CRADD: variants seen among roughly 807,000 people sequenced by gnomAD.
The protein encoded by CRADD is CARD and death domain containing adaptor protein.
In CRADD, 9 loss-of-function variants were observed where a neutral mutation model predicts 15.5. The ratio of observed to expected loss-of-function variants is 0.58; its 90% CI spans 0.35 to 1.01. The LOEUF is 1.01. Ranked by LOEUF, CRADD falls within the 50% of genes least tolerant of loss-of-function variation. CRADD has a pLI of 0.02. For synonymous variants in CRADD, 118 were observed against 107.6 expected (o/e 1.10, Z -0.60); for missense variants, 227 against 250.3 (o/e 0.91, Z 0.63).
rs1565948857 is a variant in CRADD at position 93,886,132 on chromosome 12, C to CT, written c.299-7917dup. On this transcript the variant is annotated intron_variant, in intron 2 of 2. Transcript: ENST00000548483. Reference sequence around the variant, plus strand: ...ATCTATAAGATATACAACTGCCAAGCTAAGATGGACATGCCTCTAGCTGCT... The same window carrying CT: ...ATCTATAAGATATACAACTGCCAAGCTTAAGATGGACATGCCTCTAGCTGCT... Among the ~76,000 whole-genome samples the CT allele has an allele frequency of 8.8e-5, 13 of 147,828 alleles. No individual in the cohort carries two copies. In the East Asian group the frequency reaches 2.0e-3, roughly 23 times the overall value.
intron 2 of CRADD, among the ~76,000 whole-genome samples, chr12:93,701,151 T>C (rs1955836343): frequency 6.6e-6 from 1 of 152,182 alleles, no homozygotes; most frequent in Non-Finnish European, 1.5e-5. Flanking sequence ...CCCGACCTTA[T>C]CTATATTAAT....
chr12:93,839,540 G>A (rs573438161), intron 2 of CRADD, among the ~76,000 whole-genome samples: 13 of 152,168 alleles, frequency 8.5e-5, no homozygotes, highest in East Asian at 1.9e-4. Flanking sequence ...TGGCCAGTAC[G>A]ACTGTCCGAT....
intron 2 of CRADD, among the ~76,000 whole-genome samples, chr12:93,823,280 G>A (rs1040296000): frequency 1.5e-5 from 2 of 136,594 alleles, no homozygotes; most frequent in South Asian, 2.4e-4. Context: ...AAACAAGAGC[G>A]AAACTCTGTC....
chr12:93,779,909 A>C (rs1377074469), intron 2 of CRADD, among the ~76,000 whole-genome samples: 8 of 152,198 alleles, frequency 5.3e-5, no homozygotes, highest in Non-Finnish European at 1.0e-4. Flanking sequence ...TTTAAGATCA[A>C]GGAATTTTTG....
intron 2 of CRADD, among the ~76,000 whole-genome samples, chr12:93,734,936 C>T (rs1956538721): frequency 1.3e-5 from 2 of 152,186 alleles, no homozygotes; most frequent in African/African-American, 2.4e-5. Context: ...GGTTAGGTCC[C>T]TGTACCATAT....
At position 93,801,656 on chromosome 12, in the gene CRADD, C is replaced by T. The variant is rs183786442; in HGVS notation, c.299-48314C>T. On this transcript the variant is annotated intron_variant, in intron 2 of 2. Coordinates refer to ENST00000332896, the MANE Select transcript of CRADD (RefSeq NM_003805.5). ...TCAGGTGATCCGCCTGCCTCAGCCT[C>T]CCAAAGTGCTGGGATTCCAGGCATG... Among the ~76,000 whole-genome samples, 298 of 152,346 alleles carry T rather than the reference C, an allele frequency of 2.0e-3. 1 individual carries two copies. Among genetic ancestry groups the T allele is most frequent in the South Asian group, 0.012 (59 of 4,828 alleles).
intron 2 of CRADD, among the ~76,000 whole-genome samples, chr12:93,715,285 GGTTTT>G (rs1165803430): frequency 6.6e-6 from 1 of 152,032 alleles, no homozygotes; most frequent in Non-Finnish European, 1.5e-5. Flanking sequence ...AGAGAATCTT[GGTTTT>G]ATTTTTCATT....
intron 2 of CRADD, among the ~76,000 whole-genome samples, chr12:93,809,697 A>T (rs893187382): frequency 3.3e-5 from 5 of 152,178 alleles, no homozygotes; most frequent in African/African-American, 9.7e-5. Flanking sequence ...ACTTTTCTTT[A>T]TAATTGAATG....
intron 2 of CRADD, among the ~76,000 whole-genome samples, chr12:93,686,421 G>A (rs1955444601): frequency 6.6e-6 from 1 of 151,920 alleles, no homozygotes; most frequent in African/African-American, 2.4e-5. Context: ...TTTGGGGGAG[G>A]AGCCATCACC....
chr12:93,882,283 T>A (rs775818592), intron 2 of CRADD, among the ~76,000 whole-genome samples: 8 of 148,364 alleles, frequency 5.4e-5, no homozygotes, highest in Non-Finnish European at 1.2e-4. Flanking sequence ...TAGCTGGGCG[T>A]GGTGGCAGGC....
At chr12:93,787,550 T>C (rs1957294163) in intron 2 of CRADD, among the ~76,000 whole-genome samples, 1 of 152,104 alleles carries the variant, frequency 6.6e-6, no homozygotes, top group Non-Finnish European at 1.5e-5. Context: ...CTTTGAAATG[T>C]TGTTTTTTCA....
intron 2 of CRADD, among the ~76,000 whole-genome samples, chr12:93,841,572 T>G (rs1958047896): frequency 6.6e-6 from 1 of 152,138 alleles, no homozygotes; most frequent in African/African-American, 2.4e-5. Context: ...TCTGTTCAAG[T>G]TTCTGTTTTT....
chr12:93,825,033 A>AT (rs1565928468), intron 2 of CRADD, among the ~76,000 whole-genome samples: 4 of 152,222 alleles, frequency 2.6e-5, no homozygotes, highest in Admixed American at 6.5e-5. Flanking sequence ...GTTAAAGTAC[A>AT]TCTAACCCCA....
chr12:93,755,593 G>A (rs1956880801), intron 2 of CRADD, among the ~76,000 whole-genome samples: 1 of 152,144 alleles, frequency 6.6e-6, no homozygotes, highest in Non-Finnish European at 1.5e-5. Context: ...CAGAACATCT[G>A]GTGTTTGTCT....
chr12:93,726,092 T>C (rs1222903160), intron 2 of CRADD, among the ~76,000 whole-genome samples: 1 of 141,050 alleles, frequency 7.1e-6, no homozygotes. Flanking sequence ...GTAAATAGTT[T>C]AGTTTTTTTT....
chr12:93,697,145 A>G (rs184522258), intron 2 of CRADD, among the ~76,000 whole-genome samples: 9 of 152,326 alleles, frequency 5.9e-5, no homozygotes, highest in Admixed American at 3.3e-4. Context: ...CCATCCTGCT[A>G]TGGTCCCAAT....
intron 2 of CRADD, among the ~76,000 whole-genome samples, chr12:93,842,980 G>A (rs1186869947): frequency 1.3e-5 from 2 of 152,166 alleles, no homozygotes; most frequent in African/African-American, 4.8e-5. Flanking sequence ...TCTGTATAAG[G>A]GAGAACATTT....
intron 2 of CRADD, among the ~76,000 whole-genome samples, chr12:93,725,882 A>G (rs1956355292): frequency 6.6e-6 from 1 of 152,022 alleles, no homozygotes; most frequent in Non-Finnish European, 1.5e-5. Context: ...TAATGTAGGT[A>G]TTTTCCCCAT....
Position 93,766,238 on chromosome 12 carries a change from A to G in CRADD, c.299-83732A>G, listed in dbSNP as rs149737779. Among the ~76,000 whole-genome samples the G allele has an allele frequency of 6.6e-5, 10 of 152,304 alleles. No individual in the cohort carries two copies. The East Asian group carries it at 1.9e-3, about 29-fold the overall frequency. On this transcript the variant is annotated intron_variant, in intron 2 of 2. Coordinates refer to ENST00000332896, the MANE Select transcript of CRADD (RefSeq NM_003805.5). ...GACTCTTTCTCCCCAAGCGTTCCTT[A>G]GTGAATCTTAAGATTCTGGGATTTA... is the stretch of plus-strand genomic sequence containing the variant.
Sources: allele counts gnomAD v4.1 joint callset (sites outside exome capture counted in the v4.1 genomes callset), GRCh38; gene constraint gnomAD v4.1.1; transcripts MANE v1.5; gene names NCBI Gene and HGNC (gene_info 2026-07-23, HGNC 2026-07-21).